The following TLN2 variants were observed in gnomAD, a reference collection of about 807,000 sequenced individuals.
TLN2 encodes the protein talin-2.
A neutral mutation model predicts 294.7 loss-of-function variants in TLN2; 118 were observed. The observed-to-expected ratio is 0.40, with a 90% CI of 0.34 to 0.47. TLN2 has a LOEUF of 0.47. Among genes scored for constraint, TLN2 ranks in the 20% least tolerant of loss-of-function variants. The pLI is 0.84. For synonymous variants in TLN2, 1,431 were observed against 1,304.5 expected, an observed-to-expected ratio of 1.10 and a Z score of -2.09; for missense variants, 3,083 against 3,282.2, an observed-to-expected ratio of 0.94 and a Z score of 1.48.
intron 1 of TLN2, among the ~76,000 whole-genome samples, chr15:62,482,841 G>A (rs1364206702): frequency 1.3e-5 from 2 of 152,106 alleles, no homozygotes; most frequent in Admixed American, 6.5e-5. Context: ...TTCAGCCTTC[G>A]TGGCCTCATT....
At chr15:62,520,765 AT>A (rs1310704033) in intron 1 of TLN2, among the ~76,000 whole-genome samples, 3 of 152,166 alleles carry the variant, frequency 2.0e-5, no homozygotes, top group Non-Finnish European at 4.4e-5. Context: ...TAAAGTGTAT[AT>A]CTGTTTTAGA....
intron 1 of TLN2, among the ~76,000 whole-genome samples, chr15:62,533,252 T>TGAA (rs1567065977): frequency 2.2e-5 from 1 of 44,768 alleles, no homozygotes; most frequent in East Asian, 1.7e-3. Flanking sequence ...AGACTCTGTC[T>TGAA]CAAAAAAAAA....
At chr15:62,463,017 G>GGGGTACTTATTCCCCT (rs1321062857) in intron 1 of TLN2, among the ~76,000 whole-genome samples, 1 of 152,106 alleles carries the variant, frequency 6.6e-6, no homozygotes, top group Non-Finnish European at 1.5e-5. Context: ...CGTGGCCACG[G>GGGGTACTTATTCCCCT]GGGTACTTAT....
Position 62,492,535 on chromosome 15 carries a change from C to G in TLN2, c.-237-97152C>G, listed in dbSNP as rs988858015. Among the ~76,000 whole-genome samples, 22 of 137,916 alleles carry G rather than the reference C, an allele frequency of 1.6e-4. No individual in the cohort carries two copies. In the East Asian group the frequency reaches 3.6e-3, roughly 23 times the overall value. 90.5% of individuals were successfully genotyped at this position (137,916 alleles called of 152,430 possible). On this transcript the variant is annotated intron_variant, in intron 1 of 58. Transcript: ENST00000636159. ...GGCGCCCCTGGGCGACAGAGCGAGA[C>G]TCTGTCTCAAAAAAAAAAAAAAAAA...
intron 1 of TLN2, among the ~76,000 whole-genome samples, chr15:62,479,269 C>G (rs993925839): frequency 2.0e-5 from 3 of 152,122 alleles, no homozygotes; most frequent in Non-Finnish European, 4.4e-5. Flanking sequence ...CTGGTACCCT[C>G]TATTCTCTGG....
At chr15:62,643,791 C>CAAA (rs2051464403) in intron 3 of TLN2, among the ~76,000 whole-genome samples, 1 of 152,080 alleles carries the variant, frequency 6.6e-6, no homozygotes, top group Non-Finnish European at 1.5e-5. Flanking sequence ...CACCCAGGGT[C>CAAA]CTTTCCGTGA....
rs1455060008 is a variant in TLN2 at position 62,759,895 on chromosome 15, G to A, written c.4639-1786G>A. ...AGTGGCACCCACCCTGCCTCGCACT[G>A]GTGTTCTCAAATTGCTCTGAAGTCT... is the stretch of plus-strand genomic sequence containing the variant. On this transcript the variant is annotated intron_variant, in intron 37 of 58. Transcript: ENST00000636159. Among the ~76,000 whole-genome samples the A allele has an allele frequency of 5.9e-5, 9 of 152,184 alleles. No homozygotes were observed. The South Asian group carries it at 8.3e-4, about 14-fold the overall frequency.
chr15:62,452,395 G>C (rs2036210462), intron 1 of TLN2, among the ~76,000 whole-genome samples: 1 of 152,172 alleles, frequency 6.6e-6, no homozygotes, highest in Non-Finnish European at 1.5e-5. Context: ...AGAAAGACCT[G>C]GCTAAACTGG....
chr15:62,616,442 T>C (rs749134664), intron 2 of TLN2, among the ~76,000 whole-genome samples: 2 of 152,212 alleles, frequency 1.3e-5, no homozygotes, highest in Non-Finnish European at 2.9e-5. Flanking sequence ...TTTTTCATGT[T>C]TTGAGAGACA....
chr15:62,635,554 G>A (rs905401298), intron 3 of TLN2, among the ~76,000 whole-genome samples: 3 of 152,168 alleles, frequency 2.0e-5, no homozygotes, highest in African/African-American at 7.2e-5. Flanking sequence ...GGAAGGAAAT[G>A]TGTCCAAATG....
At chr15:62,574,359 T>G (rs145256885) in intron 1 of TLN2, among the ~76,000 whole-genome samples, 1,624 of 151,744 alleles carry the variant, frequency 0.011, 29 homozygotes, top group African/African-American at 0.038. Context: ...GAGGATCACA[T>G]GTGGCCAGGA....
chr15:62,732,463 G>C (rs191805004), intron 28 of TLN2, among the ~76,000 whole-genome samples: 8 of 152,282 alleles, frequency 5.3e-5, no homozygotes, highest in African/African-American at 1.9e-4. Flanking sequence ...AGAAATAAGA[G>C]GATAACGCTG....
intron 2 of TLN2, among the ~76,000 whole-genome samples, chr15:62,614,980 GTT>G (rs1302098814): frequency 6.6e-6 from 1 of 152,012 alleles, no homozygotes; most frequent in East Asian, 1.9e-4. Flanking sequence ...TAATTTTTGT[GTT>G]TTTAGTAGAG....
At chr15:62,729,534 A>G (rs1015834457) in intron 28 of TLN2, among the ~76,000 whole-genome samples, 6 of 151,334 alleles carry the variant, frequency 4.0e-5, no homozygotes. Context: ...GTACAGTTTT[A>G]TGGTTTTCTG....
chr15:62,658,328 T>C (rs1316424203), intron 9 of TLN2, among the ~76,000 whole-genome samples: 1 of 152,192 alleles, frequency 6.6e-6, no homozygotes, highest in East Asian at 1.9e-4. Flanking sequence ...TTCATTGTAT[T>C]GTTTCAAGTG....
intron 12 of TLN2, among the ~76,000 whole-genome samples, chr15:62,688,190 G>C (rs1213733739): frequency 1.3e-5 from 2 of 152,078 alleles, no homozygotes; most frequent in East Asian, 3.8e-4. Flanking sequence ...ACTACCTCAG[G>C]CAAAAGAGAG....
chr15:62,738,562 G>C (rs542099131), intron 30 of TLN2, among the ~76,000 whole-genome samples: 1 of 152,080 alleles, frequency 6.6e-6, no homozygotes, highest in African/African-American at 2.4e-5. Context: ...ATTTCCTCTC[G>C]GATCGTCCCG....
At chr15:62,488,421 A>T (rs2038528770) in intron 1 of TLN2, among the ~76,000 whole-genome samples, 1 of 152,126 alleles carries the variant, frequency 6.6e-6, no homozygotes. Flanking sequence ...TGGAGTGAGG[A>T]TGAGAATTGT....
At chr15:62,612,469 C>T (rs975666411) in intron 2 of TLN2, among the ~76,000 whole-genome samples, 1 of 152,168 alleles carries the variant, frequency 6.6e-6, no homozygotes, top group Non-Finnish European at 1.5e-5. Flanking sequence ...TTTACCCTTT[C>T]AGAACTATGA....
Sources: gnomAD v4.1 joint callset for allele counts (sites outside exome capture counted in the v4.1 genomes callset) on GRCh38, gnomAD v4.1.1 for gene constraint, MANE v1.5 for transcripts, NCBI Gene and HGNC (gene_info 2026-07-23, HGNC 2026-07-21) for gene names.